SCNN1B: variants seen among roughly 807,000 people sequenced by gnomAD.
SCNN1B encodes epithelial sodium channel subunit beta.
Under a neutral mutation model 65.3 loss-of-function variants are expected in SCNN1B, and 46 were observed. The ratio of observed to expected loss-of-function variants is 0.70; its 90% confidence interval spans 0.56 to 0.90. The LOEUF (loss-of-function observed/expected upper bound fraction) is 0.90, where lower values mean the gene tolerates loss of function less well. SCNN1B is among the 40% of genes least tolerant of loss of function. SCNN1B has a pLI of 0.00. For synonymous variants in SCNN1B, 349 were observed against 330.6 expected (o/e 1.06, Z -0.60); for missense variants, 751 against 830.5 (o/e 0.90, Z 1.18).
At chr16:23,289,851 T>C (rs1960899467) in intron 2 of SCNN1B, among the ~76,000 whole-genome samples, 1 of 151,920 alleles carries the variant, frequency 6.6e-6, no homozygotes, top group South Asian at 2.1e-4. Flanking sequence ...AATTTTTGTA[T>C]TTTTAGTAGA....
chr16:23,292,293 A>C (rs1960936868), intron 2 of SCNN1B, among the ~76,000 whole-genome samples: 2 of 149,952 alleles, frequency 1.3e-5, no homozygotes, highest in South Asian at 4.2e-4. Context: ...TACAGGGTTC[A>C]TGCCATTCTC....
At chr16:23,375,013 C>A (rs1431698484) in intron 7 of SCNN1B, among the ~76,000 whole-genome samples, 3 of 152,138 alleles carry the variant, frequency 2.0e-5, no homozygotes, top group Non-Finnish European at 4.4e-5. Flanking sequence ...TATGAGTAAA[C>A]CAAGCCCCAG....
intron 2 of SCNN1B, among the ~76,000 whole-genome samples, chr16:23,294,583 T>C (rs1960969446): frequency 6.6e-6 from 1 of 151,912 alleles, no homozygotes; most frequent in African/African-American, 2.4e-5. Context: ...CTGCAGGGCC[T>C]TTGCCCTTGC....
At chr16:23,345,206 G>T (rs1400187001) in intron 1 of SCNN1B, among the ~76,000 whole-genome samples, 1 of 152,206 alleles carries the variant, frequency 6.6e-6, no homozygotes, top group East Asian at 1.9e-4. Context: ...ATTCTGTGGG[G>T]TGTCAGGCAC....
intron 11 of SCNN1B, among the ~76,000 whole-genome samples, chr16:23,379,445 T>C (rs1962990312): frequency 1.3e-5 from 2 of 151,852 alleles, no homozygotes; most frequent in South Asian, 4.2e-4. Flanking sequence ...GAGGTCTGCG[T>C]AGGGAGGTGG....
At chr16:23,289,634 C>A (rs1048130314) in intron 2 of SCNN1B, among the ~76,000 whole-genome samples, 2 of 150,844 alleles carry the variant, frequency 1.3e-5, no homozygotes, top group Non-Finnish European at 2.9e-5. Flanking sequence ...CTACTGTAGG[C>A]ATCCCCACAG....
chr16:23,377,790 C>CTACT (rs1567319630), intron 10 of SCNN1B, among the ~76,000 whole-genome samples: 3 of 97,394 alleles, frequency 3.1e-5, no homozygotes, highest in African/African-American at 1.1e-4. Context: ...CCCTCCCTTC[C>CTACT]TTCTTTCCTT....
chr16:23,281,465 A>ACAGTT (rs1202796230), intron 1 of SCNN1B, among the ~76,000 whole-genome samples: 9 of 152,172 alleles, frequency 5.9e-5, no homozygotes, highest in African/African-American at 2.2e-4. Context: ...CGATGGAATA[A>ACAGTT]GTTAAGACTC....
intron 1 of SCNN1B, chr16:23,303,980 C>A: frequency 9.5e-7 from 1 of 1,051,790 alleles, no homozygotes; most frequent in Non-Finnish European, 1.4e-6. Flanking sequence ...CAACTTGAGC[C>A]CTCTCATCAC....
Position 23,380,246 on chromosome 16 carries a change from T to C in SCNN1B, c.1542+77T>C, listed in dbSNP as rs745336687. ...CACCCTGAGGGTGGGGGAAGGGTTC[T>C]GAGCCCTATGAAGGAATTAGGAAGA... On this transcript the variant is annotated intron_variant, in intron 12 of 12. Coordinates refer to ENST00000343070, the MANE Select transcript of SCNN1B (RefSeq NM_000336.3). The surrounding 1 kb of genome is among the most constrained non-coding windows in gnomAD (Gnocchi z 5.4). The C allele has an allele frequency of 4.0e-5, 60 of 1,508,814 alleles. No individual in the cohort carries two copies. Among genetic ancestry groups the C allele is most frequent in the Non-Finnish European group, 5.4e-5 (59 of 1,084,708 alleles). 93.5% of individuals were successfully genotyped at this position (1,508,814 alleles called of 1,614,324 possible). A position where few individuals can be genotyped will look rare whatever the true frequency, so the allele number is the denominator to read the frequency against.
At chr16:23,307,760 G>C (rs1246845772) in intron 1 of SCNN1B, among the ~76,000 whole-genome samples, 2 of 152,170 alleles carry the variant, frequency 1.3e-5, no homozygotes, top group Non-Finnish European at 2.9e-5. Flanking sequence ...ACCTGAGCTT[G>C]TTGGAAATGC....
intron 4 of SCNN1B, among the ~76,000 whole-genome samples, chr16:23,367,033 C>T (rs540453360): frequency 6.6e-6 from 1 of 152,274 alleles, no homozygotes; most frequent in South Asian, 2.1e-4. Flanking sequence ...TGTCTGAAGG[C>T]CCCTGCCTCA....
At chr16:23,327,222 T>C (rs751505619) in intron 1 of SCNN1B, among the ~76,000 whole-genome samples, 1 of 152,038 alleles carries the variant, frequency 6.6e-6, no homozygotes, top group African/African-American at 2.4e-5. Flanking sequence ...TGGCCTAACA[T>C]AGTTTTTTTA....
chr16:23,371,663 G>A lies in SCNN1B; in HGVS notation c.1045-113G>A, dbSNP rs1202794586. 8 of 992,764 alleles carry A rather than the reference G, an allele frequency of 8.1e-6. No individual in the cohort carries two copies. The Admixed American group carries it at 1.2e-4, about 15-fold the overall frequency. 61.5% of individuals were successfully genotyped at this position (992,764 alleles called of 1,614,324 possible). On this transcript the variant is annotated intron_variant, in intron 6 of 12. Coordinates refer to ENST00000343070, the MANE Select transcript of SCNN1B (RefSeq NM_000336.3). ...TGGCGCCCCCTCTGGCGCCCCCCCT[G>A]GCACCTGCAGGGGTCCACAGCCCTC...
chr16:23,369,568 G>A (rs1224040722), intron 5 of SCNN1B, among the ~76,000 whole-genome samples: 2 of 152,092 alleles, frequency 1.3e-5, no homozygotes, highest in African/African-American at 4.8e-5. Flanking sequence ...GCCGGGCACA[G>A]GTGGGAGTGG....
intron 2 of SCNN1B, among the ~76,000 whole-genome samples, chr16:23,286,005 T>A (rs1394389256): frequency 4.0e-5 from 6 of 151,312 alleles, no homozygotes; most frequent in Non-Finnish European, 8.8e-5. Context: ...TGAAACATAT[T>A]AAATCTATTT....
intron 1 of SCNN1B, among the ~76,000 whole-genome samples, chr16:23,314,191 T>C (rs1300866697): frequency 3.9e-5 from 6 of 151,942 alleles, no homozygotes; most frequent in African/African-American, 1.4e-4. Flanking sequence ...AGCTAACTTT[T>C]TTATTTTATT....
Position 23,348,987 on chromosome 16 carries a change from T to C in SCNN1B, c.311+77T>C, listed in dbSNP as rs149860748. ...TCTCTCTTTTCTTCCCTTCTACCTT[T>C]CCTTTCCTTCCTTTCCTTCCTTCTC... On this transcript the variant is annotated intron_variant, in intron 2 of 12. Transcript: ENST00000343070. This position sits in a 1 kb window ranked among gnomAD's most constrained non-coding sequence, Gnocchi z 4.5. The C allele has an allele frequency of 3.2e-4, 328 of 1,038,570 alleles. 1 individual carries two copies. In the African/African-American group the frequency reaches 4.6e-3, roughly 15 times the overall value. 64.3% of individuals were successfully genotyped at this position (1,038,570 alleles called of 1,614,324 possible). A position where few individuals can be genotyped will look rare whatever the true frequency, so the allele number is the denominator to read the frequency against.
chr16:23,342,046 G>C (rs1962065069), intron 1 of SCNN1B, among the ~76,000 whole-genome samples: 1 of 152,068 alleles, frequency 6.6e-6, no homozygotes, highest in African/African-American at 2.4e-5. Context: ...ATCATTCATA[G>C]CAGTATTATC....
Sources: allele counts gnomAD v4.1 joint callset (sites outside exome capture counted in the v4.1 genomes callset), GRCh38; gene constraint gnomAD v4.1.1; non-coding constraint Gnocchi (gnomAD v3.1); transcripts MANE v1.5; gene names NCBI Gene and HGNC (gene_info 2026-07-23, HGNC 2026-07-21).